Variants in TM7SF3 observed in about 807,000 individuals in gnomAD.
The protein encoded by TM7SF3 is transmembrane 7 superfamily member 3.
A neutral mutation model predicts 65.5 loss-of-function variants in TM7SF3; 60 were observed. That is an observed-to-expected ratio of 0.92 (90% CI 0.74 to 1.14). The LOEUF (loss-of-function observed/expected upper bound fraction) is 1.14. Among genes scored for constraint, TM7SF3 ranks in the 50% most tolerant of loss-of-function variants. The pLI, the probability that TM7SF3 is intolerant of heterozygous loss-of-function variation, is 0.00. For missense variants in TM7SF3, 623 were observed against 684.8 expected (o/e 0.91, Z 1.01); for synonymous variants, 264 against 259.6 (o/e 1.02, Z -0.16).
Position 26,979,725 on chromosome 12 carries a change from ATTAGGCAGTAT to A in TM7SF3, c.1189+48_1189+58del, listed in dbSNP as rs1939725902. 3.7e-5 allele frequency: 59 copies of A among 1,583,260 alleles called. No individual in the cohort carries two copies. The South Asian group carries it at 6.6e-4, about 18-fold the overall frequency. Reference sequence around the variant, plus strand: ...AACACCACTCCAGGATGCAAATCCAATTAGGCAGTATTCAAACAGTCACTCGAACACACAAA... The same window carrying A: ...AACACCACTCCAGGATGCAAATCCAATCAAACAGTCACTCGAACACACAAA... On this transcript the variant is annotated intron_variant, in intron 9 of 11. Transcript: ENST00000343028.
intron 6 of TM7SF3, among the ~76,000 whole-genome samples, chr12:26,986,897 A>ACT (rs1397140911): frequency 6.6e-6 from 1 of 151,872 alleles, no homozygotes; most frequent in Non-Finnish European, 1.5e-5. Flanking sequence ...AAAGTTGATT[A>ACT]CTCTCTCTTC....
chr12:27,012,013 T>G (rs527835469), intron 1 of TM7SF3, among the ~76,000 whole-genome samples: 1 of 152,208 alleles, frequency 6.6e-6, no homozygotes, highest in Non-Finnish European at 1.5e-5. Flanking sequence ...AACTCTAATA[T>G]CTCAAATTCT....
In TM7SF3 at chr12:27,003,660, GA is replaced by G. The variant is rs561338176; in HGVS notation, c.92-271del. On this transcript the variant is annotated intron_variant, in intron 1 of 11. Coordinates refer to ENST00000343028, the MANE Select transcript of TM7SF3 (RefSeq NM_016551.3). ...TGAAGACAGGCTCCTGGAACCCAGA[GA>G]AACTTCCCCTCTGGTAGCAGCAATA... Among the ~76,000 whole-genome samples the G allele has an allele frequency of 4.1e-4, 62 of 152,322 alleles. No homozygotes were observed. The South Asian group carries it at 0.013, about 31-fold the overall frequency.
intron 2 of TM7SF3, 173 bp from the exon 3 acceptor site, chr12:26,999,849 T>A: frequency 1.7e-6 from 1 of 584,700 alleles, no homozygotes; most frequent in South Asian, 2.7e-5. Context: ...TGCCCACACA[T>A]ATACATGGAA....
chr12:27,005,032 A>G (rs1470694183), intron 1 of TM7SF3, among the ~76,000 whole-genome samples: 2 of 152,244 alleles, frequency 1.3e-5, no homozygotes, highest in African/African-American at 2.4e-5. Context: ...AAACATGTTT[A>G]TATTTTCCAG....
chr12:26,986,710 G>C (rs1204042301), intron 6 of TM7SF3, among the ~76,000 whole-genome samples: 1 of 152,014 alleles, frequency 6.6e-6, no homozygotes, highest in African/African-American at 2.4e-5. Flanking sequence ...AGAGCTACTT[G>C]AACTTTCTCC....
chr12:26,983,468 G>C (rs1289784502), intron 6 of TM7SF3: 1 of 405,692 alleles, frequency 2.5e-6, no homozygotes, highest in Non-Finnish European at 5.1e-6. Context: ...TATTTTTTAA[G>C]TGCTTATCTT....
In TM7SF3 at chr12:27,005,277, T is replaced by C. The variant is rs1008369309; in HGVS notation, c.92-1887A>G. On this transcript the variant is annotated intron_variant, in intron 1 of 11. Coordinates refer to ENST00000343028, the MANE Select transcript of TM7SF3 (RefSeq NM_016551.3). Reference sequence around the variant, plus strand: ...TGTTCACAGCATTCAACTCACTTACTATCCTGCCTTTTCTAGTCTACATCT... The same window carrying C: ...TGTTCACAGCATTCAACTCACTTACCATCCTGCCTTTTCTAGTCTACATCT... Among the ~76,000 whole-genome samples the C allele has an allele frequency of 4.6e-5, 7 of 152,306 alleles. No homozygotes were observed. In the East Asian group the frequency reaches 5.8e-4, roughly 13 times the overall value.
At chr12:26,985,866 T>A (rs1304642788) in intron 6 of TM7SF3, among the ~76,000 whole-genome samples, 1 of 103,362 alleles carries the variant, frequency 9.7e-6, no homozygotes, top group South Asian at 3.3e-4. Context: ...CAGGCTAGAG[T>A]GCAGTGGCGC....
At chr12:26,991,244 C>G (rs1940351440) in intron 5 of TM7SF3, among the ~76,000 whole-genome samples, 2 of 150,664 alleles carry the variant, frequency 1.3e-5, no homozygotes, top group African/African-American at 4.9e-5. Context: ...GCTCCGCTTC[C>G]CGGGTTCACG....
chr12:26,990,708 T>C, intron 5 of TM7SF3, 81 bp from the exon 6 acceptor site: 2 of 1,007,004 alleles, frequency 2.0e-6, no homozygotes, highest in Non-Finnish European at 3.0e-6. Flanking sequence ...ACGTGTAATA[T>C]TAAATGGTAT....
intron 5 of TM7SF3, among the ~76,000 whole-genome samples, chr12:26,991,216 A>G (rs1940349451): frequency 7.0e-6 from 1 of 142,746 alleles, no homozygotes; most frequent in Admixed American, 7.5e-5. Flanking sequence ...GCAGTGGCGC[A>G]ATCTCGGCTC....
In TM7SF3 at chr12:26,995,234, T is replaced by C; in HGVS notation, c.690+3A>G. The C allele has an allele frequency of 6.2e-7, 1 of 1,611,792 alleles. No individual in the cohort carries two copies. The highest frequency in any genetic ancestry group is 8.5e-7 in the Non-Finnish European group (1 of 1,178,682). On this transcript the variant is annotated splice_donor_region_variant and intron_variant, in intron 5 of 11. Transcript: ENST00000343028. ...CCACACAAATCATGGGACTCAGATTTACCTTGAGAGCACTGGCCTTCACCT... is the reference window on the plus strand; with the variant it reads ...CCACACAAATCATGGGACTCAGATTCACCTTGAGAGCACTGGCCTTCACCT...
chr12:26,997,602 T>C (rs1940650242), intron 3 of TM7SF3, among the ~76,000 whole-genome samples: 1 of 152,150 alleles, frequency 6.6e-6, no homozygotes, highest in East Asian at 1.9e-4. Flanking sequence ...AGTAATCTTC[T>C]GGATTCTCCC....
Position 26,982,745 on chromosome 12 carries a change from G to A in TM7SF3, c.955+28C>T, listed in dbSNP as rs761779903. On this transcript the variant is annotated intron_variant, in intron 7 of 11. Coordinates refer to ENST00000343028, the MANE Select transcript of TM7SF3 (RefSeq NM_016551.3). ...GCAACACTGAAAAGACTGCAAAATGGAAATAGCAACTACATTGGACATAAT... is the reference window on the plus strand; with the variant it reads ...GCAACACTGAAAAGACTGCAAAATGAAAATAGCAACTACATTGGACATAAT... 17 of 1,533,480 alleles carry A rather than the reference G, an allele frequency of 1.1e-5. No homozygotes were observed. In the South Asian group the frequency reaches 1.9e-4, roughly 17 times the overall value. 95.0% of individuals were successfully genotyped at this position (1,533,480 alleles called of 1,614,324 possible). A position where few individuals can be genotyped will look rare whatever the true frequency, so the allele number is the denominator to read the frequency against.
Position 26,985,637 on chromosome 12 carries a change from AAAAAAAAAAAAAAAAAT to A in TM7SF3, c.869-2795_869-2779del, listed in dbSNP as rs1386854446. Among the ~76,000 whole-genome samples the A allele has an allele frequency of 2.8e-3, 144 of 51,566 alleles. 1 individual carries two copies. Among genetic ancestry groups the A allele is most frequent in the East Asian group, 0.011 (20 of 1,784 alleles). The allele number at this position is 51,566 out of a possible 152,430, so 33.8% of individuals were successfully genotyped here. A position where few individuals can be genotyped will look rare whatever the true frequency, so the allele number is the denominator to read the frequency against. ...TGAGACTGTCAAAAAAAAAAAAAAA[AAAAAAAAAAAAAAAAAT>A]ATATATATATATATATATATATATA... On this transcript the variant is annotated intron_variant, in intron 6 of 11. Coordinates refer to ENST00000343028, the MANE Select transcript of TM7SF3 (RefSeq NM_016551.3).
chr12:26,975,374 T>G, intron 11 of TM7SF3, 122 bp downstream of exon 11: 1 of 925,424 alleles, frequency 1.1e-6, no homozygotes, highest in Non-Finnish European at 1.7e-6. Flanking sequence ...TTGTATGCTG[T>G]GTTCCCTCCT....
chr12:26,996,697 A>C, intron 4 of TM7SF3, 45 bp downstream of exon 4: 1 of 1,575,150 alleles, frequency 6.3e-7, no homozygotes, highest in Non-Finnish European at 8.6e-7. Context: ...AACTGTCGTC[A>C]TGTATATTCT....
intron 9 of TM7SF3, among the ~76,000 whole-genome samples, chr12:26,976,810 G>A (rs1018983122): frequency 6.6e-6 from 1 of 152,172 alleles, no homozygotes; most frequent in Non-Finnish European, 1.5e-5. Context: ...TGAACCCAAT[G>A]TAAACAGTGA....
Sources: allele counts gnomAD v4.1 joint callset (sites outside exome capture counted in the v4.1 genomes callset), GRCh38; gene constraint gnomAD v4.1.1; transcripts MANE v1.5; gene names NCBI Gene and HGNC (gene_info 2026-07-23, HGNC 2026-07-21).